Variants in ANO4 observed in about 807,000 individuals in gnomAD.
ANO4 encodes anoctamin-4.
ANO4 carries 69 observed loss-of-function variants against 141.9 expected under a neutral mutation model. That is an observed-to-expected ratio of 0.49 (90% CI 0.40 to 0.59). The LOEUF (loss-of-function observed/expected upper bound fraction) is 0.59. Among genes scored for constraint, ANO4 ranks in the 20% least tolerant of loss-of-function variants. The probability of loss-of-function intolerance (pLI) is 0.00; values close to 1 mark genes in which losing one functional copy is unlikely to be tolerated. For missense variants in ANO4, 894 were observed against 1,162.2 expected, an observed-to-expected ratio of 0.77 and a Z score of 3.36; for synonymous variants, 350 against 394.3, an observed-to-expected ratio of 0.89 and a Z score of 1.33.
chr12:101,011,463 G>T (rs1302852095), intron 8 of ANO4, among the ~76,000 whole-genome samples: 1 of 151,832 alleles, frequency 6.6e-6, no homozygotes, highest in Non-Finnish European at 1.5e-5. Flanking sequence ...CACAGTCTTA[G>T]ATCTCATGCT....
At chr12:101,106,003 AG>A (rs2050425240) in intron 22 of ANO4, among the ~76,000 whole-genome samples, 1 of 152,096 alleles carries the variant, frequency 6.6e-6, no homozygotes, top group Admixed American at 6.6e-5. Flanking sequence ...GCTGCTCTGG[AG>A]GCTGATGCAG....
intron 5 of ANO4, among the ~76,000 whole-genome samples, chr12:100,960,260 GCACACA>G (rs56705970): frequency 6.7e-6 from 1 of 149,896 alleles, no homozygotes; most frequent in African/African-American, 2.4e-5. Context: ...TCACACACAC[GCACACA>G]CACACACACA....
At chr12:100,922,782 G>A (rs1412148083) in intron 3 of ANO4, among the ~76,000 whole-genome samples, 1 of 152,162 alleles carries the variant, frequency 6.6e-6, no homozygotes, top group Non-Finnish European at 1.5e-5. Flanking sequence ...AGTCATTGAT[G>A]ATGGACTGCA....
At chr12:101,003,472 C>T (rs2045737256) in intron 8 of ANO4, among the ~76,000 whole-genome samples, 1 of 152,156 alleles carries the variant, frequency 6.6e-6, no homozygotes, top group East Asian at 1.9e-4. Flanking sequence ...TATGCTTTCT[C>T]CAGGCAGGGA....
chr12:100,936,125 G>A (rs1200139379), intron 3 of ANO4, among the ~76,000 whole-genome samples: 2 of 152,120 alleles, frequency 1.3e-5, no homozygotes, highest in Admixed American at 1.3e-4. Flanking sequence ...TGATTTCCCT[G>A]AGCTCAAGTG....
At position 101,118,059 on chromosome 12, in the gene ANO4, G is replaced by C. The variant is rs78552332; in HGVS notation, c.2570+1261G>C. On this transcript the variant is annotated intron_variant, in intron 25 of 27. Transcript: ENST00000392977. ...ATAATCTAGTGCCGCTCTCTGTTGG[G>C]GTCTAGTGGAGAAGCAAGCAATTAA... is the stretch of plus-strand genomic sequence containing the variant. Among the ~76,000 whole-genome samples the C allele has an allele frequency of 9.0e-3, 1,374 of 151,902 alleles. 19 individuals are homozygous for C. The highest frequency in any genetic ancestry group is 0.032 in the African/African-American group (1,311 of 41,388).
chr12:100,853,909 T>C (rs2038025560), intron 1 of ANO4, among the ~76,000 whole-genome samples: 1 of 152,130 alleles, frequency 6.6e-6, no homozygotes, highest in African/African-American at 2.4e-5. Context: ...AATAAACCAT[T>C]ATTACTATTT....
At chr12:100,787,635 C>G (rs1025789208) in intron 3 of ANO4, among the ~76,000 whole-genome samples, 1 of 152,044 alleles carries the variant, frequency 6.6e-6, no homozygotes, top group Non-Finnish European at 1.5e-5. Context: ...AAATTAATAG[C>G]TAGACTGGGG....
intron 22 of ANO4, among the ~76,000 whole-genome samples, chr12:101,108,651 A>T (rs1164058798): frequency 6.6e-6 from 1 of 152,162 alleles, no homozygotes; most frequent in Non-Finnish European, 1.5e-5. Flanking sequence ...TACTATTTTT[A>T]CAGTCATATA....
At chr12:100,903,451 T>C (rs1422604143) in intron 2 of ANO4, among the ~76,000 whole-genome samples, 1 of 152,222 alleles carries the variant, frequency 6.6e-6, no homozygotes, top group African/African-American at 2.4e-5. Context: ...CAGGGTCCAG[T>C]TCAAACTTCT....
intron 24 of ANO4, among the ~76,000 whole-genome samples, chr12:101,114,535 T>G (rs1175782368): frequency 2.0e-5 from 3 of 152,144 alleles, no homozygotes; most frequent in African/African-American, 4.8e-5. Context: ...AAATTTAAAT[T>G]TTCTTAATGG....
intron 8 of ANO4, among the ~76,000 whole-genome samples, chr12:101,007,023 T>C (rs1221558622): frequency 6.6e-6 from 1 of 152,202 alleles, no homozygotes; most frequent in Non-Finnish European, 1.5e-5. Flanking sequence ...ACTGGGGGCC[T>C]GTTTGAACCA....
At chr12:101,094,551 A>T (rs971820368) in intron 18 of ANO4, among the ~76,000 whole-genome samples, 16 of 152,232 alleles carry the variant, frequency 1.1e-4, no homozygotes, top group African/African-American at 3.9e-4. Context: ...TGCACAAAAA[A>T]TAGCATTACA....
At chr12:100,875,965 T>C (rs550127014) in intron 1 of ANO4, among the ~76,000 whole-genome samples, 29 of 152,212 alleles carry the variant, frequency 1.9e-4, no homozygotes, top group Admixed American at 1.2e-3. Flanking sequence ...AAACAAATCT[T>C]AATTTTTAAA....
chr12:100,935,764 T>G (rs962084728), intron 3 of ANO4, among the ~76,000 whole-genome samples: 2 of 152,226 alleles, frequency 1.3e-5, no homozygotes, highest in African/African-American at 2.4e-5. Context: ...CTGAATATAC[T>G]TATTGATTAA....
chr12:101,099,283 A>G (rs1425723073), intron 21 of ANO4, among the ~76,000 whole-genome samples: 1 of 152,178 alleles, frequency 6.6e-6, no homozygotes, highest in East Asian at 1.9e-4. Context: ...GTACTGGGGT[A>G]TCCATTTATA....
intron 3 of ANO4, among the ~76,000 whole-genome samples, chr12:100,773,430 A>G (rs1374388562): frequency 6.6e-6 from 1 of 152,244 alleles, no homozygotes; most frequent in Non-Finnish European, 1.5e-5. Flanking sequence ...TATTGAATGA[A>G]ATAATTAAAG....
chr12:100,841,300 A>C (rs756937471), intron 1 of ANO4, among the ~76,000 whole-genome samples: 9 of 152,176 alleles, frequency 5.9e-5, no homozygotes, highest in Non-Finnish European at 1.2e-4. Context: ...GACATCCGCC[A>C]AAATTATAAC....
chr12:100,855,489 A>G (rs1157369224), intron 1 of ANO4, among the ~76,000 whole-genome samples: 2 of 152,138 alleles, frequency 1.3e-5, no homozygotes, highest in Non-Finnish European at 2.9e-5. Context: ...CTTCTGGTTT[A>G]CATTTTGCCC....
Sources: gnomAD v4.1 joint callset for allele counts (sites outside exome capture counted in the v4.1 genomes callset) on GRCh38, gnomAD v4.1.1 for gene constraint, MANE v1.5 for transcripts, NCBI Gene and HGNC (gene_info 2026-07-23, HGNC 2026-07-21) for gene names.